BBS9: variants seen among roughly 807,000 people sequenced by gnomAD.
The protein encoded by BBS9 is protein PTHB1.
In BBS9, 89 loss-of-function variants were observed where a neutral mutation model predicts 117.7. The observed-to-expected ratio is 0.76, with a 90% CI of 0.64 to 0.90. BBS9 has a LOEUF of 0.90. BBS9 is among the 40% of genes least tolerant of loss of function. The probability of loss-of-function intolerance (pLI) is 0.00; values close to 1 mark genes in which losing one functional copy is unlikely to be tolerated. For synonymous variants in BBS9, 379 were observed against 370.9 expected (o/e 1.02, Z -0.25); for missense variants, 982 against 1,042.2 (o/e 0.94, Z 0.80).
At chr7:33,488,988 C>CTTT (rs869216155) in intron 19 of BBS9, among the ~76,000 whole-genome samples, 421 of 103,206 alleles carry the variant, frequency 4.1e-3, no homozygotes, top group Non-Finnish European at 5.6e-3. Flanking sequence ...GGACAGACTT[C>CTTT]TTTTTTTTTT....
intron 21 of BBS9, among the ~76,000 whole-genome samples, chr7:33,612,914 G>A (rs1247381388): frequency 3.3e-5 from 5 of 152,032 alleles, no homozygotes; most frequent in Admixed American, 6.6e-5. Flanking sequence ...TCTGATCTGT[G>A]TCAGTCACTT....
At chr7:33,184,299 T>TC (rs1798505082) in intron 5 of BBS9, among the ~76,000 whole-genome samples, 1 of 152,060 alleles carries the variant, frequency 6.6e-6, no homozygotes, top group South Asian at 2.1e-4. Context: ...CTTTCAAGTT[T>TC]CCCCTTTTGG....
At chr7:33,559,072 G>A (rs1855706547) in intron 21 of BBS9, among the ~76,000 whole-genome samples, 1 of 152,260 alleles carries the variant, frequency 6.6e-6, no homozygotes, top group South Asian at 2.1e-4. Context: ...AATGTATTCA[G>A]CTTAAGCGTA....
chr7:33,190,146 G>T (rs1190858318), intron 5 of BBS9, among the ~76,000 whole-genome samples: 1 of 129,014 alleles, frequency 7.8e-6, no homozygotes, highest in Non-Finnish European at 1.6e-5. Flanking sequence ...TTGAGACTGA[G>T]TCTCGCTCTG....
At chr7:33,469,509 T>C (rs1840672796) in intron 19 of BBS9, among the ~76,000 whole-genome samples, 1 of 152,082 alleles carries the variant, frequency 6.6e-6, no homozygotes, top group South Asian at 2.1e-4. Flanking sequence ...CTAAATAAGA[T>C]GGAAAATGGT....
At chr7:33,312,070 G>T (rs761477540) in intron 9 of BBS9, among the ~76,000 whole-genome samples, 2 of 152,166 alleles carry the variant, frequency 1.3e-5, no homozygotes, top group Non-Finnish European at 2.9e-5. Context: ...ACATACAATT[G>T]TGTACCCTTA....
intron 21 of BBS9, among the ~76,000 whole-genome samples, chr7:33,556,040 C>G (rs1468394400): frequency 1.3e-5 from 2 of 152,236 alleles, no homozygotes; most frequent in East Asian, 3.9e-4. Flanking sequence ...TCTAACTGAT[C>G]ACACTTGGTA....
chr7:33,527,034 G>A (rs940360247), intron 20 of BBS9, among the ~76,000 whole-genome samples: 1 of 151,578 alleles, frequency 6.6e-6, no homozygotes, highest in East Asian at 2.0e-4. Flanking sequence ...GCCCCTGTTG[G>A]GGGGTGCCTC....
intron 16 of BBS9, among the ~76,000 whole-genome samples, chr7:33,362,277 C>T (rs927811294): frequency 2.6e-5 from 4 of 152,010 alleles, no homozygotes; most frequent in African/African-American, 4.8e-5. Context: ...TCTTCATAAA[C>T]CCCCCCGTTT....
At chr7:33,339,149 C>T (rs1465466985) in intron 10 of BBS9, among the ~76,000 whole-genome samples, 1 of 152,162 alleles carries the variant, frequency 6.6e-6, no homozygotes, top group East Asian at 1.9e-4. Context: ...CCAGGGTTGG[C>T]TTGGCAGTTC....
intron 19 of BBS9, among the ~76,000 whole-genome samples, chr7:33,496,912 C>T (rs1167090805): frequency 6.6e-6 from 1 of 152,164 alleles, no homozygotes; most frequent in African/African-American, 2.4e-5. Flanking sequence ...CAAATTGGAT[C>T]ATTTCATCCA....
At chr7:33,535,432 A>G (rs1465157946) in intron 21 of BBS9, among the ~76,000 whole-genome samples, 1 of 152,196 alleles carries the variant, frequency 6.6e-6, no homozygotes. Context: ...TATGGATTCT[A>G]TATTCTATGA....
intron 20 of BBS9, among the ~76,000 whole-genome samples, chr7:33,512,782 T>C (rs1449047325): frequency 6.6e-6 from 1 of 152,232 alleles, no homozygotes; most frequent in African/African-American, 2.4e-5. Context: ...CCACAACATG[T>C]GGCTCTGTGT....
At chr7:33,542,807 ACAC>A (rs1852602241) in intron 21 of BBS9, among the ~76,000 whole-genome samples, 1 of 143,146 alleles carries the variant, frequency 7.0e-6, no homozygotes, top group African/African-American at 2.5e-5. Context: ...ACACACACAC[ACAC>A]ACACACACAC....
chr7:33,346,936 T>C (rs1817697284), intron 12 of BBS9, among the ~76,000 whole-genome samples: 1 of 152,228 alleles, frequency 6.6e-6, no homozygotes, highest in Admixed American at 6.5e-5. Flanking sequence ...CACAGGTTAT[T>C]TACCTTCTCT....
At chr7:33,344,078 G>GTTTTTTTTTTTTTTTTTTT in intron 11 of BBS9, among the ~76,000 whole-genome samples, 1 of 67,466 alleles carries the variant, frequency 1.5e-5, no homozygotes, top group Non-Finnish European at 2.5e-5. Flanking sequence ...TAGGGGATGA[G>GTTTTTTTTTTTTTTTTTTT]TTTTTTTTTT....
At chr7:33,531,957 T>C (rs1316935593) in intron 20 of BBS9, among the ~76,000 whole-genome samples, 1 of 152,250 alleles carries the variant, frequency 6.6e-6, no homozygotes, top group African/African-American at 2.4e-5. Flanking sequence ...TCTCACCATC[T>C]CTGTGCAGCA....
chr7:33,406,600 T>A (rs1830042575), intron 19 of BBS9, among the ~76,000 whole-genome samples: 1 of 152,172 alleles, frequency 6.6e-6, no homozygotes, highest in Non-Finnish European at 1.5e-5. Flanking sequence ...GTTTAGTGCT[T>A]CCTTCAGGAG....
chr7:33,166,899 ACCAG>A (rs1046892304), intron 4 of BBS9, among the ~76,000 whole-genome samples: 11 of 152,212 alleles, frequency 7.2e-5, no homozygotes, highest in African/African-American at 2.4e-4. Flanking sequence ...CCACTGTCCA[ACCAG>A]TCCCAATGAG....
Sources: gnomAD v4.1 joint callset for allele counts (sites outside exome capture counted in the v4.1 genomes callset) on GRCh38, gnomAD v4.1.1 for gene constraint, MANE v1.5 for transcripts, NCBI Gene and HGNC (gene_info 2026-07-23, HGNC 2026-07-21) for gene names.